Variants in ANKRD36C observed in about 807,000 individuals in gnomAD.
ANKRD36C encodes ankyrin repeat domain 36C, also known as ankyrin repeat domain-containing protein 36C.
In ANKRD36C, 61 loss-of-function variants were observed where a neutral mutation model predicts 276.4. The observed-to-expected ratio is 0.22, with a 90% CI of 0.18 to 0.27. ANKRD36C has a LOEUF of 0.27. Among genes scored for constraint, ANKRD36C ranks in the 10% least tolerant of loss-of-function variants. The pLI, the probability that ANKRD36C is intolerant of heterozygous loss-of-function variation, is 1.00. For synonymous variants in ANKRD36C, 483 were observed against 680.1 expected (o/e 0.71, Z 4.51); for missense variants, 1,447 against 2,032.3 (o/e 0.71, Z 5.54).
At chr2:95,949,655 G>A (rs538748893) in intron 16 of ANKRD36C, among the ~76,000 whole-genome samples, 65 of 136,420 alleles carry the variant, frequency 4.8e-4, no homozygotes, top group African/African-American at 1.5e-4. Flanking sequence ...AGAAGACTGC[G>A]TTTTGAACTA....
intron 22 of ANKRD36C, among the ~76,000 whole-genome samples, chr2:95,936,729 T>C (rs1677729125): frequency 6.6e-6 from 1 of 152,242 alleles, no homozygotes; most frequent in Non-Finnish European, 1.5e-5. Flanking sequence ...TCTCACTATC[T>C]GGTCTTCATT....
chr2:95,925,200 A>G (rs1261219390), intron 30 of ANKRD36C, among the ~76,000 whole-genome samples, 152 bp downstream of exon 30: 2 of 151,608 alleles, frequency 1.3e-5, no homozygotes, highest in Non-Finnish European at 3.0e-5. Context: ...CAGCAGCATC[A>G]GCACCACCTG....
intron 27 of ANKRD36C, 24 bp downstream of exon 27, chr2:95,927,357 A>T: frequency 6.2e-7 from 1 of 1,606,948 alleles, no homozygotes; most frequent in African/African-American, 1.3e-5. Context: ...TAATAGTTCA[A>T]CATATAAATG....
chr2:95,856,776 A>G (rs1394281876), intron 62 of ANKRD36C, among the ~76,000 whole-genome samples: 2 of 152,192 alleles, frequency 1.3e-5, no homozygotes, highest in Non-Finnish European at 2.9e-5. Flanking sequence ...ATTCTATAGC[A>G]AAAGGTTAAA....
chr2:95,858,413 T>C (rs534420100), intron 61 of ANKRD36C, among the ~76,000 whole-genome samples: 4 of 152,354 alleles, frequency 2.6e-5, no homozygotes, highest in Admixed American at 2.6e-4. Flanking sequence ...CATGTATAAG[T>C]TGAAATGTAT....
chr2:95,910,374 T>G, intron 42 of ANKRD36C: 1 of 1,538,226 alleles, frequency 6.5e-7, no homozygotes, highest in South Asian at 1.2e-5. Context: ...CAAAATTACC[T>G]GTCCTAGATT....
intron 1 of ANKRD36C, among the ~76,000 whole-genome samples, chr2:95,990,862 T>C (rs1679124693): frequency 6.6e-6 from 1 of 152,256 alleles, no homozygotes; most frequent in Non-Finnish European, 1.5e-5. Flanking sequence ...CCATAATGTA[T>C]GTAACATTAT....
In ANKRD36C at chr2:95,897,725, A is replaced by G. The variant is rs992296489; in HGVS notation, c.2755+1420T>C. 4.1e-5 allele frequency among the ~76,000 whole-genome samples: 6 copies of G among 147,978 alleles called. 1 individual carries two copies. The highest frequency in any genetic ancestry group is 6.1e-5 in the Non-Finnish European group (4 of 65,950). ...CAAAAACTAAAATAAAACCATGTCA[A>G]TATCAACGTGGATATGCCGAGTGAT... On this transcript the variant is annotated intron_variant, in intron 44 of 66. Coordinates refer to ENST00000456556, the Ensembl canonical transcript of ANKRD36C.
At chr2:95,925,534 T>C (rs964914213) in exon 29 of ANKRD36C, 2 of 1,549,762 alleles carry the variant, frequency 1.3e-6, no homozygotes, top group Non-Finnish European at 8.7e-7. Flanking sequence ...AGGCTGATTG[T>C]TTCTGAGGAG....
At chr2:95,851,046 G>GA, downstream of ANKRD36C, 1 of 673,126 alleles carries the variant, frequency 1.5e-6, no homozygotes, top group Non-Finnish European at 2.7e-6. Flanking sequence ...ATGTGTGTAA[G>GA]AAAAAATATT....
intron 34 of ANKRD36C, among the ~76,000 whole-genome samples, chr2:95,920,634 G>C (rs1344642039): frequency 7.5e-6 from 1 of 132,486 alleles, no homozygotes; most frequent in Non-Finnish European, 1.7e-5. Context: ...TATCAATTTT[G>C]ACATACTTCT....
chr2:95,860,043 T>A, exon 61 of ANKRD36C: 2 of 1,543,482 alleles, frequency 1.3e-6, no homozygotes, highest in Non-Finnish European at 1.8e-6. Context: ...ATAAACAAAA[T>A]GTCTTTTTAA....
In ANKRD36C at chr2:95,893,414, T is replaced by C. The variant is rs150318245; in HGVS notation, c.2756-1554A>G. ...CCAAGAACTTACTACAAATGAAGAA[T>C]CTCCGGCCTGCTGAATCAGAAAGTG... On this transcript the variant is annotated intron_variant, in intron 44 of 66. Transcript: ENST00000456556. The C allele has an allele frequency of 2.7e-3, 3,717 of 1,397,998 alleles. 80 individuals carry two copies. In the African/African-American group the frequency reaches 0.049, roughly 18 times the overall value. The allele number at this position is 1,397,998 out of a possible 1,614,324, so 86.6% of individuals were successfully genotyped here. A position where few individuals can be genotyped will look rare whatever the true frequency, so the allele number is the denominator to read the frequency against.
rs1223529300 is a variant in ANKRD36C, at chr2:95,956,826, A to C, written c.1106-10T>G. 3.9e-6 allele frequency: 6 copies of C among 1,532,688 alleles called. No individual in the cohort carries two copies. In the Admixed American group the frequency reaches 9.8e-5, roughly 25 times the overall value. 94.9% of individuals were successfully genotyped at this position (1,532,688 alleles called of 1,614,324 possible). On this transcript the variant is annotated splice_polypyrimidine_tract_variant and intron_variant, in intron 12 of 66. Transcript: ENST00000456556. ...TCAACAGCAGGAAGCACTATCAAACAAAAAGTAAAATGCATTTTAAATCAA... is the reference window on the plus strand; with the variant it reads ...TCAACAGCAGGAAGCACTATCAAACCAAAAGTAAAATGCATTTTAAATCAA...
chr2:95,983,680 G>A (rs1379546193), intron 3 of ANKRD36C, among the ~76,000 whole-genome samples: 2 of 151,470 alleles, frequency 1.3e-5, no homozygotes, highest in South Asian at 2.1e-4. Context: ...GTGCCATCTC[G>A]GCTCACTGCA....
At chr2:95,873,781 A>AT (rs1675872596) in intron 59 of ANKRD36C, among the ~76,000 whole-genome samples, 1 of 152,194 alleles carries the variant, frequency 6.6e-6, no homozygotes, top group African/African-American at 2.4e-5. Context: ...AGAAAACCCC[A>AT]TTGTCTCAGC....
intron 65 of ANKRD36C, 115 bp downstream of exon 85, chr2:95,852,011 C>A: frequency 5.6e-6 from 7 of 1,252,184 alleles, no homozygotes; most frequent in Non-Finnish European, 7.9e-6. Flanking sequence ...ACAGATGAAA[C>A]TTTTTTGGCT....
chr2:95,955,737 A>G (rs1678311737), intron 13 of ANKRD36C, among the ~76,000 whole-genome samples: 1 of 152,184 alleles, frequency 6.6e-6, no homozygotes, highest in African/African-American at 2.4e-5. Context: ...TCTCTGATTT[A>G]CTGTATCCAA....
At chr2:95,954,482 A>G (rs899769331) in intron 13 of ANKRD36C, among the ~76,000 whole-genome samples, 1 of 152,160 alleles carries the variant, frequency 6.6e-6, no homozygotes, top group African/African-American at 2.4e-5. Context: ...TGTCACTGGA[A>G]AATGGGAGTC....
Sources: gnomAD v4.1 joint callset for allele counts (sites outside exome capture counted in the v4.1 genomes callset) on GRCh38, gnomAD v4.1.1 for gene constraint, MANE v1.5 for transcripts, NCBI Gene and HGNC (gene_info 2026-07-23, HGNC 2026-07-21) for gene names.